Variants in NRAP observed in about 807,000 individuals in gnomAD.
The protein encoded by NRAP is nebulin related anchoring protein.
NRAP carries 189 observed loss-of-function variants against 225.9 expected under a neutral mutation model. That is an observed-to-expected ratio of 0.84 (90% CI 0.74 to 0.94). The LOEUF is 0.94. Among genes scored for constraint, NRAP ranks in the 40% least tolerant of loss-of-function variants. The pLI is 0.00. For missense variants in NRAP, 2,176 were observed against 2,168.7 expected (o/e 1.00, Z -0.07); for synonymous variants, 769 against 790.7 (o/e 0.97, Z 0.46).
intron 6 of NRAP, 123 bp from the exon 7 acceptor site, chr10:113,652,030 T>C (rs1385017119): frequency 1.4e-6 from 1 of 698,134 alleles, no homozygotes; most frequent in African/African-American, 1.8e-5. Flanking sequence ...TGGCAAGTCT[T>C]CTGTGGCTTG....
chr10:113,595,784 G>A, intron 37 of NRAP, 57 bp from the exon 38 acceptor site: 2 of 1,205,296 alleles, frequency 1.7e-6, no homozygotes, highest in Non-Finnish European at 2.5e-6. Context: ...AAACCACAGG[G>A]GAATAGCAAC....
At chr10:113,629,070 A>C in intron 19 of NRAP, 49 bp from the exon 20 acceptor site, 1 of 1,305,802 alleles carries the variant, frequency 7.7e-7, no homozygotes. Flanking sequence ...GGATAGAGAC[A>C]GGACAAAGTT....
intron 27 of NRAP, among the ~76,000 whole-genome samples, chr10:113,615,279 T>C (rs892019687): frequency 6.6e-6 from 1 of 152,186 alleles, no homozygotes; most frequent in African/African-American, 2.4e-5. Context: ...TAGTGCTTTA[T>C]GTCAGATAGA....
chr10:113,590,782 C>G lies in NRAP; in HGVS notation c.4752G>C (p.Gln1584His). The G allele has an allele frequency of 6.2e-7, 1 of 1,614,220 alleles. No homozygotes were observed. The highest frequency in any genetic ancestry group is 8.5e-7 in the Non-Finnish European group (1 of 1,180,030). The change falls in exon 40 of 42, where the codon CAG becomes CAC. Residue 1584 changes from glutamine to histidine, a missense_variant. Coordinates refer to ENST00000359988, the MANE Select transcript of NRAP (RefSeq NM_198060.4). ...MKHFLNVGRL[Q>H]SDNEYKKDFA... ...AGTCCTTCTTGTACTCATTGTCACT[C>G]TGGAGCCTGCCAACGTTGAGGAAAT...
rs2133893250 is a variant in NRAP, at chr10:113,605,065, G to A, written c.3916-145C>T. On this transcript the variant is annotated intron_variant, in intron 34 of 41. Transcript: ENST00000359988. ...CCTGAGAGTGTGCCTTCCTCCCTGG[G>A]GGATGAACAATTAAAACATCGCTCC... The A allele has an allele frequency of 5.2e-6, 4 of 766,454 alleles. 1 individual carries two copies. In the Admixed American group the frequency reaches 8.7e-5, roughly 17 times the overall value. The allele number at this position is 766,454 out of a possible 1,614,324, so 47.5% of individuals were successfully genotyped here. A position where few individuals can be genotyped will look rare whatever the true frequency, so the allele number is the denominator to read the frequency against.
At chr10:113,652,009 A>G (rs141527063) in intron 6 of NRAP, 102 bp from the exon 7 acceptor site, 48 of 741,998 alleles carry the variant, frequency 6.5e-5, no homozygotes, top group Non-Finnish European at 9.1e-5. Flanking sequence ...GCTACACTCA[A>G]TGCAAACCTG....
At chr10:113,589,200 C>T in intron 41 of NRAP, 121 bp from the exon 42 acceptor site, 1 of 739,258 alleles carries the variant, frequency 1.4e-6, no homozygotes, top group South Asian at 1.8e-5. Context: ...CCCTCCCTTT[C>T]CTTTTCCCCT....
At chr10:113,610,104 CT>C (rs1847230042) in intron 31 of NRAP, among the ~76,000 whole-genome samples, 1 of 151,926 alleles carries the variant, frequency 6.6e-6, no homozygotes, top group African/African-American at 2.4e-5. Flanking sequence ...AATCCCAAAA[CT>C]TTGGGAGGCC....
intron 34 of NRAP, 99 bp from the exon 35 acceptor site, chr10:113,605,019 G>GA (rs1163275530): frequency 1.5e-6 from 2 of 1,348,566 alleles, no homozygotes. Context: ...ATGATTATAA[G>GA]AAAAACCACA....
chr10:113,653,149 T>C lies in NRAP; in HGVS notation c.466-110A>G, dbSNP rs1850089822. 1.4e-5 allele frequency: 9 copies of C among 628,038 alleles called. No homozygotes were observed. In the South Asian group the frequency reaches 1.5e-4, roughly 11 times the overall value. The allele number at this position is 628,038 out of a possible 1,614,324, so 38.9% of individuals were successfully genotyped here. ...AGATTCATAAAGTTCTTCGGAAATATTTCAATCACCTGTAATAAATTTAAA... is the reference window on the plus strand; with the variant it reads ...AGATTCATAAAGTTCTTCGGAAATACTTCAATCACCTGTAATAAATTTAAA... On this transcript the variant is annotated intron_variant, in intron 5 of 41. Coordinates refer to ENST00000359988, the MANE Select transcript of NRAP (RefSeq NM_198060.4).
chr10:113,628,859 C>T, intron 20 of NRAP, 58 bp downstream of exon 20: 2 of 909,088 alleles, frequency 2.2e-6, no homozygotes, highest in Non-Finnish European at 3.4e-6. Flanking sequence ...GCAAAGATCA[C>T]CCTGCATGTG....
At chr10:113,662,095 A>G (rs1438342920) in intron 3 of NRAP, among the ~76,000 whole-genome samples, 1 of 152,174 alleles carries the variant, frequency 6.6e-6, no homozygotes, top group Non-Finnish European at 1.5e-5. Context: ...TATCCTGTAT[A>G]TTGGCTCCTA....
Position 113,647,014 on chromosome 10 carries a change from T to C in NRAP, c.902A>G (p.Glu301Gly). The C allele has an allele frequency of 6.2e-7, 1 of 1,613,422 alleles. No individual in the cohort carries two copies. The highest frequency in any genetic ancestry group is 8.5e-7 in the Non-Finnish European group (1 of 1,179,386). Residue 301 changes from glutamate to glycine, a missense_variant, in exon 10 of 42, where the codon GAG becomes GGG. Physicochemically the swap from Glu to Gly is moderately conservative, Grantham distance 98. Transcript: ENST00000359988. ...ADQYGQGYPE[E>G]YEEHRGKGSF... is the part of the protein sequence containing the mutation. ...GCCCTTTCCCCTGTGCTCCTCATAC[T>C]CCTCCGGGTAACCCTGCCGGGTGCA... is the stretch of plus-strand genomic sequence containing the variant.
rs115909077 is a variant in NRAP at position 113,648,935 on chromosome 10, A to G, written c.888+1102T>C. 8.0e-3 allele frequency among the ~76,000 whole-genome samples: 1,219 copies of G among 152,350 alleles called. 12 individuals are homozygous for G. The highest frequency in any genetic ancestry group is 0.027 in the African/African-American group (1,143 of 41,586). On this transcript the variant is annotated intron_variant, in intron 9 of 41. Coordinates refer to ENST00000359988, the MANE Select transcript of NRAP (RefSeq NM_198060.4). ...ACTACTGGTAGATAGGATTGGCCAA[A>G]TACAGGACAAAATACTTTTTGCCAA...
intron 38 of NRAP, among the ~76,000 whole-genome samples, chr10:113,593,174 T>C (rs776546433): frequency 6.6e-6 from 1 of 152,042 alleles, no homozygotes; most frequent in East Asian, 1.9e-4. Context: ...CACCAACAGA[T>C]GACAAAGTGA....
chr10:113,635,811 C>T (rs927811129), intron 14 of NRAP, among the ~76,000 whole-genome samples: 1 of 152,210 alleles, frequency 6.6e-6, no homozygotes, highest in Admixed American at 6.5e-5. Context: ...CTCTCCTTCC[C>T]TTATGCTCAC....
chr10:113,600,979 T>C (rs1846562455), intron 35 of NRAP, among the ~76,000 whole-genome samples: 1 of 152,166 alleles, frequency 6.6e-6, no homozygotes, highest in Non-Finnish European at 1.5e-5. Context: ...CACAGCTGTA[T>C]GCAGAGAGGC....
intron 11 of NRAP, among the ~76,000 whole-genome samples, chr10:113,643,724 G>T (rs762782902): frequency 2.0e-5 from 3 of 152,160 alleles, no homozygotes; most frequent in Admixed American, 6.5e-5. Context: ...ACCACCAATA[G>T]ATGGCTGGTT....
intron 35 of NRAP, among the ~76,000 whole-genome samples, chr10:113,600,388 C>A (rs1023506978): frequency 7.2e-5 from 11 of 152,086 alleles, no homozygotes; most frequent in Non-Finnish European, 1.5e-4. Flanking sequence ...CTATGTTGCC[C>A]AAGCTGTTCT....
Sources: allele counts gnomAD v4.1 joint callset (sites outside exome capture counted in the v4.1 genomes callset), GRCh38; gene constraint gnomAD v4.1.1; transcripts MANE v1.5; gene names NCBI Gene and HGNC (gene_info 2026-07-23, HGNC 2026-07-21).